The following GALNT1 variants were observed in gnomAD, a reference collection of about 807,000 sequenced individuals.
GALNT1 encodes the protein GalNAc transferase 1.
Under a neutral mutation model 65.7 loss-of-function variants are expected in GALNT1, and 17 were observed. That is an observed-to-expected ratio of 0.26 (90% CI 0.18 to 0.39). The LOEUF (loss-of-function observed/expected upper bound fraction) is 0.39. Ranked by LOEUF, GALNT1 falls within the 10% of genes least tolerant of loss-of-function variation. The pLI, the probability that GALNT1 is intolerant of heterozygous loss-of-function variation, is 1.00. For missense variants in GALNT1, 460 were observed against 672.8 expected (o/e 0.68, Z 3.50); for synonymous variants, 210 against 219.7 (o/e 0.96, Z 0.39).
intron 5 of GALNT1, among the ~76,000 whole-genome samples, chr18:35,685,484 T>TAA (rs66682919): frequency 0.024 from 3,129 of 132,264 alleles, 105 homozygotes; most frequent in African/African-American, 0.077. Flanking sequence ...AAGGATGGCT[T>TAA]AAAAAAAAAA....
At chr18:35,679,658 G>A (rs2047760081) in intron 4 of GALNT1, among the ~76,000 whole-genome samples, 1 of 152,130 alleles carries the variant, frequency 6.6e-6, no homozygotes, top group Non-Finnish European at 1.5e-5. Context: ...TCCTGCCTTG[G>A]AAGCCTCAAA....
At chr18:35,669,631 T>C (rs1465744565) in intron 3 of GALNT1, among the ~76,000 whole-genome samples, 1 of 152,244 alleles carries the variant, frequency 6.6e-6, no homozygotes, top group Non-Finnish European at 1.5e-5. Flanking sequence ...AATTTGTCAC[T>C]GTCATGATAA....
chr18:35,624,990 T>C (rs1412996329), intron 1 of GALNT1, among the ~76,000 whole-genome samples: 1 of 152,192 alleles, frequency 6.6e-6, no homozygotes, highest in African/African-American at 2.4e-5. Flanking sequence ...ATTAATAAAT[T>C]AATTAAGATA....
intron 1 of GALNT1, among the ~76,000 whole-genome samples, chr18:35,590,394 G>A (rs1334344609): frequency 6.6e-6 from 1 of 152,176 alleles, no homozygotes; most frequent in Non-Finnish European, 1.5e-5. Flanking sequence ...AGATGTCTAA[G>A]TATTGGCTTC....
At chr18:35,696,446 G>C (rs977307144) in intron 9 of GALNT1, among the ~76,000 whole-genome samples, 1 of 152,222 alleles carries the variant, frequency 6.6e-6, no homozygotes, top group Non-Finnish European at 1.5e-5. Context: ...GCTGACGTTC[G>C]TAGTTCCTGT....
intron 6 of GALNT1, among the ~76,000 whole-genome samples, chr18:35,688,653 A>G (rs938678308): frequency 6.6e-6 from 1 of 152,014 alleles, no homozygotes; most frequent in South Asian, 2.1e-4. Flanking sequence ...TCTAGTGGGT[A>G]TTAGGAAAAG....
intron 5 of GALNT1, among the ~76,000 whole-genome samples, chr18:35,684,530 C>T (rs2047837182): frequency 6.6e-6 from 1 of 152,118 alleles, no homozygotes; most frequent in South Asian, 2.1e-4. Flanking sequence ...GAAGATAACA[C>T]ACAACCCATA....
At chr18:35,620,895 G>C (rs540497667) in intron 1 of GALNT1, among the ~76,000 whole-genome samples, 1 of 152,080 alleles carries the variant, frequency 6.6e-6, no homozygotes, top group East Asian at 1.9e-4. Context: ...TGATAGGGTA[G>C]TGCTTTCTTC....
intron 4 of GALNT1, among the ~76,000 whole-genome samples, chr18:35,682,908 T>TAAA (rs34199709): frequency 3.2e-4 from 38 of 118,460 alleles, no homozygotes; most frequent in Admixed American, 4.5e-4. Flanking sequence ...GCCCCCTGAT[T>TAAA]AAAAAAAAAA....
At chr18:35,621,398 G>T (rs1320169396) in intron 1 of GALNT1, among the ~76,000 whole-genome samples, 1 of 146,822 alleles carries the variant, frequency 6.8e-6, no homozygotes, top group African/African-American at 2.6e-5. Flanking sequence ...TTCCTATGTT[G>T]CCCAGGCTGG....
intron 1 of GALNT1, among the ~76,000 whole-genome samples, chr18:35,614,445 G>A (rs753654381): frequency 1.3e-5 from 2 of 152,178 alleles, no homozygotes; most frequent in Non-Finnish European, 1.5e-5. Context: ...GGGAAATTCT[G>A]TAACCTGACA....
intron 9 of GALNT1, among the ~76,000 whole-genome samples, chr18:35,698,905 C>T (rs1046151877): frequency 1.3e-5 from 2 of 152,110 alleles, no homozygotes; most frequent in African/African-American, 4.8e-5. Context: ...TTGCTTGAAC[C>T]CGGGAGGCAG....
chr18:35,654,986 A>G (rs1568025134), intron 2 of GALNT1, among the ~76,000 whole-genome samples, 185 bp downstream of exon 2: 1 of 152,226 alleles, frequency 6.6e-6, no homozygotes, highest in Non-Finnish European at 1.5e-5. Context: ...GCATGAAAGT[A>G]TCATATATAG....
intron 3 of GALNT1, among the ~76,000 whole-genome samples, chr18:35,676,723 C>T (rs1432661334): frequency 1.3e-5 from 2 of 152,072 alleles, no homozygotes; most frequent in Admixed American, 1.3e-4. Flanking sequence ...TATATATGCA[C>T]TGTTTAGGGG....
At chr18:35,694,552 G>A (rs1340337520) in intron 9 of GALNT1, among the ~76,000 whole-genome samples, 2 of 152,174 alleles carry the variant, frequency 1.3e-5, no homozygotes, top group East Asian at 1.9e-4. Context: ...AGAGAACTAC[G>A]ATATTATCCA....
chr18:35,703,974 A>G (rs1318101997), intron 11 of GALNT1, among the ~76,000 whole-genome samples: 1 of 152,222 alleles, frequency 6.6e-6, no homozygotes, highest in Non-Finnish European at 1.5e-5. Flanking sequence ...TTACTTAATT[A>G]AACACTTCAG....
At chr18:35,607,473 T>C (rs1315288665) in intron 1 of GALNT1, among the ~76,000 whole-genome samples, 3 of 152,082 alleles carry the variant, frequency 2.0e-5, no homozygotes, top group African/African-American at 4.8e-5. Context: ...TGCTGTAGCA[T>C]AGGATTGGGT....
chr18:35,645,914 T>C (rs554965427), intron 1 of GALNT1, among the ~76,000 whole-genome samples: 1 of 152,218 alleles, frequency 6.6e-6, no homozygotes, highest in Non-Finnish European at 1.5e-5. Context: ...TACCTAAAAA[T>C]TTAATGGCTT....
At chr18:35,585,114 G>A (rs1425859105) in intron 1 of GALNT1, among the ~76,000 whole-genome samples, 1 of 152,198 alleles carries the variant, frequency 6.6e-6, no homozygotes, top group African/African-American at 2.4e-5. Context: ...CTGGGTTGGG[G>A]AGGACGGCTT....
Sources: allele counts gnomAD v4.1 joint callset (sites outside exome capture counted in the v4.1 genomes callset), GRCh38; gene constraint gnomAD v4.1.1; transcripts MANE v1.5; gene names NCBI Gene and HGNC (gene_info 2026-07-23, HGNC 2026-07-21).